The following HMGA2 variants were observed in gnomAD, a reference collection of about 807,000 sequenced individuals.
HMGA2 encodes the protein high mobility group AT-hook 2.
A neutral mutation model predicts 19.1 loss-of-function variants in HMGA2; 8 were observed. That is an observed-to-expected ratio of 0.42 (90% confidence interval 0.25 to 0.76). The LOEUF (loss-of-function observed/expected upper bound fraction) is 0.76, where lower values mean the gene tolerates loss of function less well. Among genes scored for constraint, HMGA2 ranks in the 30% least tolerant of loss-of-function variants. The probability of loss-of-function intolerance (pLI) is 0.28; values close to 1 mark genes in which losing one functional copy is unlikely to be tolerated. For synonymous variants in HMGA2, 60 were observed against 48.8 expected, an observed-to-expected ratio of 1.23 and a Z score of -0.96; for missense variants, 109 against 136.3, an observed-to-expected ratio of 0.80 and a Z score of 1.00.
At chr12:65,927,735 C>T (rs60552303) in intron 3 of HMGA2, among the ~76,000 whole-genome samples, 282 of 152,040 alleles carry the variant, frequency 1.9e-3, no homozygotes, top group African/African-American at 5.5e-3. Flanking sequence ...TTAATACAAA[C>T]TTCTCTTGTC....
At chr12:65,853,878 A>G (rs1452814633) in intron 3 of HMGA2, among the ~76,000 whole-genome samples, 2 of 152,230 alleles carry the variant, frequency 1.3e-5, no homozygotes, top group Non-Finnish European at 2.9e-5. Context: ...ATTAAAGTCC[A>G]TAGTAAAAGC....
chr12:65,924,797 CA>C (rs375391256), intron 3 of HMGA2, among the ~76,000 whole-genome samples: 1 of 151,616 alleles, frequency 6.6e-6, no homozygotes, highest in African/African-American at 2.4e-5. Context: ...ACTCCGTCTC[CA>C]AAAAAACAAA....
chr12:65,860,761 A>AT (rs1196352743), intron 3 of HMGA2, among the ~76,000 whole-genome samples: 1 of 152,222 alleles, frequency 6.6e-6, no homozygotes, highest in East Asian at 1.9e-4. Context: ...ACCCTGAGGA[A>AT]TTACTGCTGC....
chr12:65,902,182 CA>C (rs1463770005), intron 3 of HMGA2, among the ~76,000 whole-genome samples: 1 of 151,470 alleles, frequency 6.6e-6, no homozygotes, highest in Non-Finnish European at 1.5e-5. Flanking sequence ...TTTTTCTTTC[CA>C]AATAAATAGC....
At chr12:65,835,630 T>C (rs1870682974) in intron 2 of HMGA2, among the ~76,000 whole-genome samples, 1 of 152,202 alleles carries the variant, frequency 6.6e-6, no homozygotes, top group South Asian at 2.1e-4. Context: ...TTAAAAGTCA[T>C]CTTATTTGCA....
At chr12:65,898,662 A>G (rs548459869) in intron 3 of HMGA2, among the ~76,000 whole-genome samples, 115 of 152,300 alleles carry the variant, frequency 7.6e-4, no homozygotes, top group African/African-American at 2.4e-3. Flanking sequence ...CCACTATACA[A>G]TGAGCACCTA....
chr12:65,892,696 A>C (rs1258218866), intron 3 of HMGA2, among the ~76,000 whole-genome samples: 1 of 152,102 alleles, frequency 6.6e-6, no homozygotes, highest in African/African-American at 2.4e-5. Context: ...TCGTCAGGAA[A>C]ACGGTCCCTA....
At chr12:65,842,802 T>C in intron 3 of HMGA2, 2 of 1,375,270 alleles carry the variant, frequency 1.5e-6, no homozygotes, top group Non-Finnish European at 1.9e-6. Context: ...TTTCTATTCT[T>C]GCCTAGGAAA....
Position 65,952,147 on chromosome 12 carries a change from G to C in HMGA2, c.282+732G>C, listed in dbSNP as rs573674977. On this transcript the variant is annotated intron_variant, in intron 4 of 4. Coordinates refer to ENST00000403681, the MANE Select transcript of HMGA2 (RefSeq NM_003483.6). ...GCTAATAATGTGAGCCAGTATTAAA[G>C]TATAAGAACGTCCTGCTGTTCTCTT... is the stretch of plus-strand genomic sequence containing the variant. 185 of 513,134 alleles carry C rather than the reference G, an allele frequency of 3.6e-4. 2 individuals carry two copies. In the South Asian group the frequency reaches 5.0e-3, roughly 14 times the overall value. 31.8% of individuals were successfully genotyped at this position (513,134 alleles called of 1,614,324 possible).
In HMGA2 at chr12:65,901,108, T is replaced by C. The variant is rs116472661; in HGVS notation, c.250-50275T>C. Among the ~76,000 whole-genome samples, 119 of 152,296 alleles carry C rather than the reference T, an allele frequency of 7.8e-4. 1 individual carries two copies. The highest frequency in any genetic ancestry group is 2.8e-3 in the African/African-American group (115 of 41,580). ...AGTGATGACACGTTGGCAGCTGAAATTGACCATGGTAGGAGCATTTACACC... is the reference window on the plus strand; with the variant it reads ...AGTGATGACACGTTGGCAGCTGAAACTGACCATGGTAGGAGCATTTACACC... On this transcript the variant is annotated intron_variant, in intron 3 of 4. Coordinates refer to ENST00000403681, the MANE Select transcript of HMGA2 (RefSeq NM_003483.6).
chr12:65,933,119 G>T (rs966246301), intron 3 of HMGA2, among the ~76,000 whole-genome samples: 1 of 151,914 alleles, frequency 6.6e-6, no homozygotes, highest in Non-Finnish European at 1.5e-5. Flanking sequence ...GCATTCTTAC[G>T]AATTCTTTAT....
intron 2 of HMGA2, among the ~76,000 whole-genome samples, chr12:65,837,996 A>G (rs1870806249): frequency 6.6e-6 from 1 of 152,148 alleles, no homozygotes; most frequent in South Asian, 2.1e-4. Context: ...TTGAATTAGA[A>G]TGCTTGTGTA....
chr12:65,943,594 C>T (rs575427660), intron 3 of HMGA2, among the ~76,000 whole-genome samples: 4 of 152,214 alleles, frequency 2.6e-5, no homozygotes, highest in African/African-American at 2.4e-5. Context: ...AAAGTCTAAG[C>T]GCAAAGCCAA....
In HMGA2 at chr12:65,964,321, G is replaced by C; in HGVS notation, c.*1029G>C. On this transcript the variant is annotated 3_prime_UTR_variant, in exon 5 of 5. Transcript: ENST00000403681. ...AAAAAGGGGGGGGCAATCTCTCTCT[G>C]TGTCTTTCTCTCTCTCTCTTCCTCT... 9.6e-6 allele frequency: 2 copies of C among 209,068 alleles called. No individual in the cohort carries two copies. Among genetic ancestry groups the C allele is most frequent in the Non-Finnish European group, 9.3e-6 (1 of 107,654 alleles). 13.0% of individuals were successfully genotyped at this position (209,068 alleles called of 1,614,324 possible).
chr12:65,905,875 T>C (rs980030527), intron 3 of HMGA2, among the ~76,000 whole-genome samples: 2 of 152,204 alleles, frequency 1.3e-5, no homozygotes, highest in African/African-American at 2.4e-5. Context: ...TAAACAATTT[T>C]AAAAGCTAAA....
At chr12:65,957,787 G>A (rs1592468294) in intron 4 of HMGA2, 1 of 152,322 alleles carries the variant, frequency 6.6e-6, no homozygotes, top group East Asian at 1.9e-4. Flanking sequence ...AGTATTTTCA[G>A]TGATGGAACT....
rs143099265 is a variant in HMGA2, at chr12:65,964,430, G to C, written c.*1138G>C. 1.6e-4 allele frequency: 36 copies of C among 223,424 alleles called. No homozygotes were observed. The highest frequency in any genetic ancestry group is 7.1e-4 in the African/African-American group (32 of 44,852). 13.8% of individuals were successfully genotyped at this position (223,424 alleles called of 1,614,324 possible). ...AAATTAAGCATATGTGTTACTTCAA[G>C]TAATACGTTTTGACATAAGATGGTT... is the stretch of plus-strand genomic sequence containing the variant. On this transcript the variant is annotated 3_prime_UTR_variant, in exon 5 of 5. Transcript: ENST00000403681.
intron 3 of HMGA2, among the ~76,000 whole-genome samples, chr12:65,888,552 C>CTTT (rs1565722298): frequency 7.7e-5 from 7 of 90,358 alleles, no homozygotes; most frequent in African/African-American, 2.7e-4. Context: ...CCGTGGTGTG[C>CTTT]TCTTTTTTTT....
intron 3 of HMGA2, among the ~76,000 whole-genome samples, chr12:65,951,038 T>G (rs1876440098): frequency 6.6e-6 from 1 of 152,142 alleles, no homozygotes; most frequent in Non-Finnish European, 1.5e-5. Context: ...CAGGTGATCC[T>G]TCCATTTAGG....
Sources: gnomAD v4.1 joint callset for allele counts (sites outside exome capture counted in the v4.1 genomes callset) on GRCh38, gnomAD v4.1.1 for gene constraint, MANE v1.5 for transcripts, NCBI Gene and HGNC (gene_info 2026-07-23, HGNC 2026-07-21) for gene names.